Variants in HIP1 observed in about 807,000 individuals in gnomAD.
HIP1 encodes huntingtin interacting protein 1, also known as huntingtin-interacting protein 1.
In HIP1, 65 loss-of-function variants were observed where a neutral mutation model predicts 147.6. That is an observed-to-expected ratio of 0.44 (90% CI 0.36 to 0.54). The LOEUF is 0.54. Among genes scored for constraint, HIP1 ranks in the 20% least tolerant of loss-of-function variants. HIP1 has a pLI of 0.00. For missense variants in HIP1, 1,061 were observed against 1,299.6 expected (o/e 0.82, Z 2.82); for synonymous variants, 479 against 504.0 (o/e 0.95, Z 0.67).
intron 1 of HIP1, among the ~76,000 whole-genome samples, chr7:75,727,965 T>C (rs1162576153): frequency 6.6e-6 from 1 of 152,086 alleles, no homozygotes; most frequent in Admixed American, 6.6e-5. Context: ...AGTATAAAAT[T>C]TGGGGCCAGA....
intron 4 of HIP1, among the ~76,000 whole-genome samples, chr7:75,590,296 T>C (rs1796457010): frequency 2.6e-5 from 4 of 152,180 alleles, no homozygotes; most frequent in Non-Finnish European, 2.9e-5. Context: ...CTTTGTGTTA[T>C]ACAGGAAACA....
chr7:75,694,437 C>T (rs1447354699), intron 1 of HIP1, among the ~76,000 whole-genome samples: 3 of 151,908 alleles, frequency 2.0e-5, no homozygotes, highest in African/African-American at 7.3e-5. Flanking sequence ...CTTTTTGCCA[C>T]TCCAAATACT....
rs981472572 is a variant in HIP1, at chr7:75,688,582, C to T, written c.120+50219G>A. Among the ~76,000 whole-genome samples, 15 of 152,192 alleles carry T rather than the reference C, an allele frequency of 9.9e-5. 1 individual carries two copies. Among genetic ancestry groups the T allele is most frequent in the African/African-American group, 2.9e-4 (12 of 41,536 alleles). On this transcript the variant is annotated intron_variant, in intron 1 of 30. Coordinates refer to ENST00000336926, the MANE Select transcript of HIP1 (RefSeq NM_005338.7). ...AAAGCCCCACCTGTCAGGCCCCCCA[C>T]GCACACCCTCCACCCGCCGTCCGGG...
intron 5 of HIP1, 54 bp from the exon 6 acceptor site, chr7:75,582,205 C>G: frequency 7.0e-7 from 1 of 1,434,154 alleles, no homozygotes; most frequent in Non-Finnish European, 9.8e-7. Flanking sequence ...AGAGCCCTCT[C>G]TCAGCCGGGC....
Position 75,544,805 on chromosome 7 carries a change from T to A in HIP1, c.2661-5A>T. On this transcript the variant is annotated splice_polypyrimidine_tract_variant and splice_region_variant and intron_variant, in intron 26 of 30. Coordinates refer to ENST00000336926, the MANE Select transcript of HIP1 (RefSeq NM_005338.7). ...ACCACCAGATCAGCTGCATCCCTGATGGAAAACGACAAGAGGGACTAGGTT... is the reference window on the plus strand; with the variant it reads ...ACCACCAGATCAGCTGCATCCCTGAAGGAAAACGACAAGAGGGACTAGGTT... 1 of 1,583,708 alleles carries A rather than the reference T, an allele frequency of 6.3e-7. No individual in the cohort carries two copies. The highest frequency in any genetic ancestry group is 1.3e-5 in the African/African-American group (1 of 74,548).
At chr7:75,601,186 T>C (rs1231329773) in intron 1 of HIP1, among the ~76,000 whole-genome samples, 1 of 152,208 alleles carries the variant, frequency 6.6e-6, no homozygotes, top group Admixed American at 6.6e-5. Context: ...TAAGATTTAC[T>C]TCAAATAATC....
intron 1 of HIP1, among the ~76,000 whole-genome samples, chr7:75,683,924 GGAATCCTTGCTCTGCAGCC>G (rs1563291496): frequency 4.8e-5 from 1 of 20,740 alleles, no homozygotes; most frequent in Non-Finnish European, 9.3e-5. Context: ...GTAGTTCTCT[GGAATCCTTGCTCTGCAGCC>G]AACCAGCTAC....
intron 4 of HIP1, among the ~76,000 whole-genome samples, chr7:75,590,363 AC>A (rs1796460141): frequency 6.6e-6 from 1 of 152,176 alleles, no homozygotes. Flanking sequence ...TTATTAGAGA[AC>A]ATGCCAAAAA....
chr7:75,636,943 T>TCTGC (rs1449835227), intron 1 of HIP1, among the ~76,000 whole-genome samples: 4 of 152,158 alleles, frequency 2.6e-5, no homozygotes, highest in Non-Finnish European at 4.4e-5. Context: ...CCCAATGGAC[T>TCTGC]CTGCCCATCC....
rs1799227133 is a variant in HIP1 at position 75,659,142 on chromosome 7, A to G, written c.121-59895T>C. On this transcript the variant is annotated intron_variant, in intron 1 of 30. Transcript: ENST00000336926. ...GTCCCAGGGTTGAAAGCTTTATGGC[A>G]AACCAGAGCAATCTTGCAAATGGCT... 3.9e-5 allele frequency among the ~76,000 whole-genome samples: 6 copies of G among 152,304 alleles called. 1 individual carries two copies. The South Asian group carries it at 1.2e-3, about 32-fold the overall frequency.
At chr7:75,603,388 C>T (rs1335190968) in intron 1 of HIP1, among the ~76,000 whole-genome samples, 1 of 150,666 alleles carries the variant, frequency 6.6e-6, no homozygotes, top group Non-Finnish European at 1.5e-5. Flanking sequence ...CTTTCAGAGA[C>T]AGTATTGCCC....
intron 1 of HIP1, among the ~76,000 whole-genome samples, chr7:75,636,164 A>G (rs1319802172): frequency 1.3e-5 from 2 of 151,906 alleles, no homozygotes; most frequent in Non-Finnish European, 2.9e-5. Context: ...CAACATGGTG[A>G]AACTCTGTCT....
intron 1 of HIP1, among the ~76,000 whole-genome samples, chr7:75,646,601 G>A (rs370667026): frequency 3.5e-4 from 54 of 152,318 alleles, no homozygotes; most frequent in Non-Finnish European, 6.8e-4. Context: ...AACCACGACC[G>A]GTCATCCGCC....
chr7:75,580,541 C>T (rs1373363131), intron 7 of HIP1, among the ~76,000 whole-genome samples: 1 of 152,108 alleles, frequency 6.6e-6, no homozygotes, highest in Non-Finnish European at 1.5e-5. Context: ...AGTTCAAGAA[C>T]AGCCTGGGCA....
At chr7:75,727,797 G>C (rs1801700825) in intron 1 of HIP1, among the ~76,000 whole-genome samples, 1 of 143,686 alleles carries the variant, frequency 7.0e-6, no homozygotes, top group Admixed American at 7.3e-5. Context: ...AGTGAGCTGA[G>C]ATTACACCAC....
At chr7:75,553,230 G>A (rs1359306664) in intron 22 of HIP1, among the ~76,000 whole-genome samples, 5 of 151,536 alleles carry the variant, frequency 3.3e-5, no homozygotes, top group African/African-American at 7.3e-5. Context: ...GAGCCATCCC[G>A]TCTAGCCTCA....
Position 75,542,328 on chromosome 7 carries a change from G to A in HIP1, c.2891-348C>T, listed in dbSNP as rs587727476. 3.9e-4 allele frequency among the ~76,000 whole-genome samples: 60 copies of A among 151,942 alleles called. 1 individual carries two copies. The South Asian group carries it at 0.011, about 28-fold the overall frequency. ...AGAGAATCACTTGAACCCTGGAGGC[G>A]GAGGTTGCAGTGAGCCAAGATTGCG... On this transcript the variant is annotated intron_variant, in intron 28 of 30. Coordinates refer to ENST00000336926, the MANE Select transcript of HIP1 (RefSeq NM_005338.7).
rs1795485060 is a variant in HIP1 at position 75,568,300 on chromosome 7, G to A, written c.746-44C>T. 3.7e-6 allele frequency: 5 copies of A among 1,359,344 alleles called. No individual in the cohort carries two copies. Among genetic ancestry groups the A allele is most frequent in the African/African-American group, 1.4e-5 (1 of 69,920 alleles). The allele number at this position is 1,359,344 out of a possible 1,614,324, so 84.2% of individuals were successfully genotyped here. ...AGTGTGAGAGGGGAGGGGGACCAGA[G>A]GGCAGGGAAGCCACAGCGGGGCTCT... is the stretch of plus-strand genomic sequence containing the variant. On this transcript the variant is annotated intron_variant, in intron 8 of 30. Transcript: ENST00000336926. This position sits in a 1 kb window ranked among gnomAD's most constrained non-coding sequence, Gnocchi z 4.1.
chr7:75,612,381 T>C (rs1797473249), intron 1 of HIP1, among the ~76,000 whole-genome samples: 3 of 151,728 alleles, frequency 2.0e-5, no homozygotes. Flanking sequence ...TGGTGGCGCG[T>C]ACCTGTAGTC....
Sources: allele counts gnomAD v4.1 joint callset (sites outside exome capture counted in the v4.1 genomes callset), GRCh38; gene constraint gnomAD v4.1.1; non-coding constraint Gnocchi (gnomAD v3.1); transcripts MANE v1.5; gene names NCBI Gene and HGNC (gene_info 2026-07-23, HGNC 2026-07-21).